ADAM18: variants seen among roughly 807,000 people sequenced by gnomAD.
ADAM18 encodes the protein disintegrin and metalloproteinase domain-containing protein 18.
ADAM18 carries 117 observed loss-of-function variants against 94.4 expected under a neutral mutation model. The ratio of observed to expected loss-of-function variants is 1.24; its 90% CI spans 1.07 to 1.45. The LOEUF (loss-of-function observed/expected upper bound fraction) is 1.45. Ranked by LOEUF, ADAM18 falls within the 40% of genes most tolerant of loss-of-function variation. ADAM18 has a pLI of 0.00. For synonymous variants in ADAM18, 327 were observed against 291.6 expected (o/e 1.12, Z -1.24); for missense variants, 936 against 880.0 (o/e 1.06, Z -0.81).
chr8:39,727,663 C>G (rs776349475), intron 19 of ADAM18, among the ~76,000 whole-genome samples: 1 of 152,186 alleles, frequency 6.6e-6, no homozygotes, highest in Non-Finnish European at 1.5e-5. Context: ...CTGGACTTAA[C>G]TATCCATATC....
intron 18 of ADAM18, among the ~76,000 whole-genome samples, chr8:39,718,238 T>C (rs1822635511): frequency 6.6e-6 from 1 of 151,522 alleles, no homozygotes; most frequent in Non-Finnish European, 1.5e-5. Flanking sequence ...GAAATTAAAA[T>C]TAGCATCCCA....
intron 17 of ADAM18, among the ~76,000 whole-genome samples, chr8:39,698,723 C>A (rs1452612437): frequency 6.6e-6 from 1 of 151,972 alleles, no homozygotes; most frequent in East Asian, 1.9e-4. Flanking sequence ...TTTCTCTTGG[C>A]AGAAATAGTG....
chr8:39,660,658 C>T (rs1258197481), intron 12 of ADAM18, among the ~76,000 whole-genome samples: 1 of 152,082 alleles, frequency 6.6e-6, no homozygotes, highest in East Asian at 1.9e-4. Flanking sequence ...GATTTTAATA[C>T]TCCACTTTCA....
intron 14 of ADAM18, among the ~76,000 whole-genome samples, chr8:39,676,771 A>G (rs73676905): frequency 0.11 from 17,279 of 152,296 alleles, 1,074 homozygotes; most frequent in South Asian, 0.25. Flanking sequence ...CTATTCGGCC[A>G]TTTTGGCAAG....
rs544056686 is a variant in ADAM18 at position 39,644,346 on chromosome 8, A to G, written c.910-992A>G. The stretch of plus-strand genomic sequence containing the variant: ...CTCACTCTGTAGCCCAGGCTGGAGT[A>G]CAGTGGTGCAATCAGCTCACTGCAA... On this transcript the variant is annotated intron_variant, in intron 10 of 19. Transcript: ENST00000265707. 3.7e-4 allele frequency among the ~76,000 whole-genome samples: 57 copies of G among 152,194 alleles called. 1 individual carries two copies. Among genetic ancestry groups the G allele is most frequent in the Non-Finnish European group, 7.8e-4 (53 of 67,990 alleles).
chr8:39,658,650 A>T lies in ADAM18; in HGVS notation c.1231-5145A>T, dbSNP rs368745478. Among the ~76,000 whole-genome samples, 9 of 152,288 alleles carry T rather than the reference A, an allele frequency of 5.9e-5. No homozygotes were observed. In the East Asian group the frequency reaches 1.5e-3, roughly 26 times the overall value. On this transcript the variant is annotated intron_variant, in intron 12 of 19. Transcript: ENST00000265707. Reference sequence around the variant, plus strand: ...TATGTTTGCATGGTTTTAAACCGCTAAGTTTGTGGTAACCTGTTAAAGGTT... The same window carrying T: ...TATGTTTGCATGGTTTTAAACCGCTTAGTTTGTGGTAACCTGTTAAAGGTT...
intron 14 of ADAM18, among the ~76,000 whole-genome samples, chr8:39,677,190 A>G (rs1439686776): frequency 6.6e-6 from 1 of 152,230 alleles, no homozygotes; most frequent in Non-Finnish European, 1.5e-5. Flanking sequence ...TGCTCCCACC[A>G]GAAAGAGAAA....
At chr8:39,620,357 C>CAAAAAAAAAAAAAAAACAAAAAA (rs1819574465) in intron 6 of ADAM18, among the ~76,000 whole-genome samples, 1 of 90,564 alleles carries the variant, frequency 1.1e-5, no homozygotes, top group African/African-American at 4.4e-5. Context: ...GCAACAAAAG[C>CAAAAAAAAAAAAAAAACAAAAAA]AAAAAAAAAA....
intron 6 of ADAM18, among the ~76,000 whole-genome samples, chr8:39,625,059 C>CT (rs2129578907): frequency 6.6e-6 from 1 of 152,256 alleles, no homozygotes; most frequent in Admixed American, 6.5e-5. Context: ...TTTAGGATTA[C>CT]TTTTTTCTAA....
intron 15 of ADAM18, 87 bp downstream of exon 15, chr8:39,677,623 A>T (rs1296555262): frequency 1.2e-6 from 1 of 831,874 alleles, no homozygotes; most frequent in Non-Finnish European, 1.8e-6. Context: ...GAACACTAAA[A>T]TTTTATAACA....
intron 2 of ADAM18, among the ~76,000 whole-genome samples, chr8:39,591,493 C>T (rs755413064): frequency 6.6e-6 from 1 of 152,148 alleles, no homozygotes; most frequent in East Asian, 1.9e-4. Flanking sequence ...AAACCAACTT[C>T]TTTGCTCACC....
At position 39,729,979 on chromosome 8, in the gene ADAM18, C is replaced by T. The variant is rs569808173; in HGVS notation, c.*39C>T. ...TTCCATAGCAAATAACCTAAAGGAA[C>T]GAATGTGCTTTATTTATAACCTTAC... On this transcript the variant is annotated 3_prime_UTR_variant, in exon 20 of 20. Transcript: ENST00000265707. The T allele has an allele frequency of 1.1e-5, 17 of 1,576,536 alleles. No individual in the cohort carries two copies. In the South Asian group the frequency reaches 1.8e-4, roughly 16 times the overall value.
intron 17 of ADAM18, among the ~76,000 whole-genome samples, chr8:39,698,043 C>A (rs1821973421): frequency 6.6e-6 from 1 of 151,644 alleles, no homozygotes; most frequent in Non-Finnish European, 1.5e-5. Flanking sequence ...TCTATTTAAT[C>A]CTTTTGGGAT....
intron 14 of ADAM18, among the ~76,000 whole-genome samples, chr8:39,669,518 T>C (rs938502238): frequency 3.8e-5 from 5 of 131,180 alleles, no homozygotes; most frequent in African/African-American, 1.4e-4. Flanking sequence ...CCTGTGTCCA[T>C]GTGTTCTCAT....
At chr8:39,628,880 A>G (rs983109198) in intron 6 of ADAM18, among the ~76,000 whole-genome samples, 3 of 152,100 alleles carry the variant, frequency 2.0e-5, no homozygotes, top group Admixed American at 2.0e-4. Context: ...ATATAAAGCA[A>G]TAATTATTGA....
At chr8:39,599,428 T>G (rs940120462) in intron 2 of ADAM18, among the ~76,000 whole-genome samples, 2 of 152,154 alleles carry the variant, frequency 1.3e-5, no homozygotes, top group Non-Finnish European at 2.9e-5. Context: ...TGTAGAAAAT[T>G]AGTATACATT....
chr8:39,638,439 G>A (rs150455868), intron 9 of ADAM18, 26 bp from the exon 10 acceptor site: 115 of 1,451,922 alleles, frequency 7.9e-5, no homozygotes, highest in East Asian at 3.1e-4. Flanking sequence ...GCATAACTAC[G>A]TTAATAAAAA....
rs1554505280 is a variant in ADAM18 at position 39,622,872 on chromosome 8, TTATA to T, written c.523-6494_523-6491del. On this transcript the variant is annotated intron_variant, in intron 6 of 19. Coordinates refer to ENST00000265707, the MANE Select transcript of ADAM18 (RefSeq NM_014237.3). ...TTCCAGGTTACCAGTCTGTATATATTTATATATATATTTTTTCGTTTCAGTTGCT... is the reference window on the plus strand; with the variant it reads ...TTCCAGGTTACCAGTCTGTATATATTTATATATTTTTTCGTTTCAGTTGCT... Among the ~76,000 whole-genome samples the T allele has an allele frequency of 3.3e-5, 5 of 152,172 alleles. No individual in the cohort carries two copies. The South Asian group carries it at 8.3e-4, about 25-fold the overall frequency.
At chr8:39,625,263 A>G (rs1819728865) in intron 6 of ADAM18, among the ~76,000 whole-genome samples, 1 of 152,028 alleles carries the variant, frequency 6.6e-6, no homozygotes, top group African/African-American at 2.4e-5. Context: ...TTGGGTAGGT[A>G]TATTCTTAAT....
Sources: gnomAD v4.1 joint callset for allele counts (sites outside exome capture counted in the v4.1 genomes callset) on GRCh38, gnomAD v4.1.1 for gene constraint, MANE v1.5 for transcripts, NCBI Gene and HGNC (gene_info 2026-07-23, HGNC 2026-07-21) for gene names.